ATP2C2: variants seen among roughly 807,000 people sequenced by gnomAD.
ATP2C2 encodes the protein calcium-transporting ATPase type 2C member 2.
A neutral mutation model predicts 110.8 loss-of-function variants in ATP2C2; 171 were observed. The ratio of observed to expected loss-of-function variants is 1.54; its 90% confidence interval spans 1.36 to 1.75. The LOEUF (loss-of-function observed/expected upper bound fraction) is 1.75, where lower values mean the gene tolerates loss of function less well. Among genes scored for constraint, ATP2C2 ranks in the 40% most tolerant of loss-of-function variants. The pLI is 0.00. For missense variants in ATP2C2, 1,963 were observed against 1,235.0 expected (o/e 1.59, Z -8.84); for synonymous variants, 804 against 508.4 (o/e 1.58, Z -7.82).
At position 84,376,535 on chromosome 16, in the gene ATP2C2, ATT is replaced by A. The variant is rs5741976; in HGVS notation, c.99+7835_99+7836del. 6.5e-4 allele frequency among the ~76,000 whole-genome samples: 95 copies of A among 145,068 alleles called. No homozygotes were observed. The South Asian group carries it at 0.015, about 22-fold the overall frequency. On this transcript the variant is annotated intron_variant, in intron 1 of 26. Coordinates refer to ENST00000262429, the MANE Select transcript of ATP2C2 (RefSeq NM_014861.4). ...ACACATTATGAGATTTTTTTTGGCA[ATT>A]TTTTTTTTTTTTTAGCTCATCAGCT... is the stretch of plus-strand genomic sequence containing the variant.
intron 11 of ATP2C2, among the ~76,000 whole-genome samples, chr16:84,436,087 C>G (rs569253704): frequency 6.7e-6 from 1 of 148,570 alleles, no homozygotes; most frequent in Non-Finnish European, 1.5e-5. Flanking sequence ...TGAGACTGCA[C>G]CACTGCACTC....
intron 1 of ATP2C2, among the ~76,000 whole-genome samples, chr16:84,376,468 T>C (rs932372933): frequency 6.6e-6 from 1 of 152,234 alleles, no homozygotes; most frequent in South Asian, 2.1e-4. Flanking sequence ...CAGCCCAAGA[T>C]AGCTTTGAAT....
chr16:84,410,016 GGCC>G (rs1185726738), intron 4 of ATP2C2, among the ~76,000 whole-genome samples: 24 of 152,040 alleles, frequency 1.6e-4, no homozygotes, highest in Admixed American at 1.6e-3. Flanking sequence ...AGACCATCCT[GGCC>G]CACATGGTGA....
intron 17 of ATP2C2, among the ~76,000 whole-genome samples, chr16:84,450,335 A>ACAGTG (rs1350103491): frequency 1.3e-5 from 2 of 152,130 alleles, no homozygotes; most frequent in Non-Finnish European, 2.9e-5. Context: ...CAGGCCTGGG[A>ACAGTG]CAGTGCCCGA....
In ATP2C2 at chr16:84,373,385, G is replaced by A. The variant is rs550313576; in HGVS notation, c.99+4671G>A. Among the ~76,000 whole-genome samples the A allele has an allele frequency of 8.6e-5, 13 of 151,980 alleles. No homozygotes were observed. The East Asian group carries it at 1.2e-3, about 14-fold the overall frequency. ...TGTGGTGGTGGGTGCCTGTAACCCC[G>A]GCTACTCAGAAGGCTGAGGCAGAAG... is the stretch of plus-strand genomic sequence containing the variant. On this transcript the variant is annotated intron_variant, in intron 1 of 26. Coordinates refer to ENST00000262429, the MANE Select transcript of ATP2C2 (RefSeq NM_014861.4).
At chr16:84,446,292 G>A (rs537566649) in intron 15 of ATP2C2, 37 bp from the exon 16 acceptor site, 2 of 1,317,018 alleles carry the variant, frequency 1.5e-6, no homozygotes, top group African/African-American at 3.0e-5. Context: ...ATTGGCTTCG[G>A]ATGACTCACT....
chr16:84,430,870 C>T (rs1264722757), intron 11 of ATP2C2, among the ~76,000 whole-genome samples: 1 of 152,046 alleles, frequency 6.6e-6, no homozygotes, highest in Non-Finnish European at 1.5e-5. Flanking sequence ...ACCACTGAAG[C>T]CTGATCCAAA....
intron 1 of ATP2C2, among the ~76,000 whole-genome samples, chr16:84,371,062 G>C (rs1909925313): frequency 6.6e-6 from 1 of 152,218 alleles, no homozygotes; most frequent in Non-Finnish European, 1.5e-5. Context: ...GGTCAGCTGA[G>C]AAACTGGGAG....
At chr16:84,440,082 C>T (rs189043434) in intron 13 of ATP2C2, among the ~76,000 whole-genome samples, 28 of 152,252 alleles carry the variant, frequency 1.8e-4, no homozygotes, top group African/African-American at 5.8e-4. Flanking sequence ...AGGTGATCCG[C>T]CCGCCTTGGC....
At chr16:84,413,129 T>C (rs990462389) in intron 6 of ATP2C2, among the ~76,000 whole-genome samples, 2 of 150,606 alleles carry the variant, frequency 1.3e-5, no homozygotes, top group African/African-American at 4.9e-5. Flanking sequence ...TCTCATGGTC[T>C]GGGGTGTCTG....
chr16:84,459,613 T>TC (rs1206561638), intron 23 of ATP2C2: 1 of 1,527,592 alleles, frequency 6.5e-7, no homozygotes, highest in Non-Finnish European at 8.8e-7. Flanking sequence ...AACTTTCTGC[T>TC]CCCTCTGCCT....
intron 7 of ATP2C2, among the ~76,000 whole-genome samples, chr16:84,417,087 G>T (rs972595289): frequency 1.3e-5 from 2 of 152,224 alleles, no homozygotes; most frequent in Non-Finnish European, 2.9e-5. Context: ...TCAAAGCCTT[G>T]TGAACCTTGA....
At chr16:84,377,387 G>A (rs1322094434) in intron 1 of ATP2C2, among the ~76,000 whole-genome samples, 1 of 152,162 alleles carries the variant, frequency 6.6e-6, no homozygotes, top group Non-Finnish European at 1.5e-5. Flanking sequence ...TCCCAAAGGT[G>A]TCCAGCCAGC....
At chr16:84,445,952 G>C (rs964757894) in intron 15 of ATP2C2, among the ~76,000 whole-genome samples, 1 of 152,170 alleles carries the variant, frequency 6.6e-6, no homozygotes, top group Non-Finnish European at 1.5e-5. Flanking sequence ...GGCTGTGGAC[G>C]GGGGGCTGGC....
At chr16:84,398,648 G>A in intron 2 of ATP2C2, 39 bp downstream of exon 2, 1 of 1,506,320 alleles carries the variant, frequency 6.6e-7, no homozygotes, top group African/African-American at 1.4e-5. Context: ...ATTGTGATAA[G>A]GTTTTATGTT....
intron 7 of ATP2C2, among the ~76,000 whole-genome samples, chr16:84,416,096 CCCGGG>C (rs1232846510): frequency 6.6e-6 from 1 of 152,198 alleles, no homozygotes; most frequent in African/African-American, 2.4e-5. Flanking sequence ...ATCACTTGAA[CCCGGG>C]AGGCGGAGGT....
At position 84,446,392 on chromosome 16, in the gene ATP2C2, C is replaced by T; in HGVS notation, c.1465C>T (p.Gln489Ter). The T allele has an allele frequency of 1.9e-6, 3 of 1,606,866 alleles. No homozygotes were observed. Among genetic ancestry groups the T allele is most frequent in the South Asian group, 1.1e-5 (1 of 89,450 alleles). Residue 489 changes from glutamine (Q) to a stop codon, truncating the protein, a stop_gained, in exon 16 of 27, where the codon CAG (glutamine) becomes TAG (stop). Coordinates refer to ENST00000262429, the MANE Select transcript of ATP2C2 (RefSeq NM_014861.4). LOFTEE classifies it high-confidence loss of function. ...RKKEIPFSSE[Q>*]KWMAVKCSLK... is the part of the protein sequence containing the mutation. Reference sequence around the variant, plus strand: ...AAAAGAGATTCCATTCAGTTCAGAGCAGAAGTGGATGGCGGTGAAATGCAG... The same window carrying T: ...AAAAGAGATTCCATTCAGTTCAGAGTAGAAGTGGATGGCGGTGAAATGCAG...
intron 17 of ATP2C2, among the ~76,000 whole-genome samples, chr16:84,450,443 C>T (rs1910153876): frequency 6.6e-6 from 1 of 152,086 alleles, no homozygotes. Flanking sequence ...TGAAAAACCC[C>T]ACGGAGAGGG....
intron 11 of ATP2C2, among the ~76,000 whole-genome samples, chr16:84,432,964 C>T (rs1055363159): frequency 1.3e-5 from 2 of 152,146 alleles, no homozygotes; most frequent in Admixed American, 6.5e-5. Flanking sequence ...CCAAGACACC[C>T]GAACAGCATT....
Sources: gnomAD v4.1 joint callset for allele counts (sites outside exome capture counted in the v4.1 genomes callset) on GRCh38, gnomAD v4.1.1 for gene constraint, MANE v1.5 for transcripts, NCBI Gene and HGNC (gene_info 2026-07-23, HGNC 2026-07-21) for gene names.